The following ADGRL3 variants were observed in gnomAD, a reference collection of about 807,000 sequenced individuals.
ADGRL3 encodes the protein adhesion G protein-coupled receptor L3.
A neutral mutation model predicts 153.5 loss-of-function variants in ADGRL3; 62 were observed. The observed-to-expected ratio is 0.40, with a 90% CI of 0.33 to 0.50. ADGRL3 has a LOEUF of 0.50. Among genes scored for constraint, ADGRL3 ranks in the 20% least tolerant of loss-of-function variants. The probability of loss-of-function intolerance (pLI) is 0.47; values close to 1 mark genes in which losing one functional copy is unlikely to be tolerated. For synonymous variants in ADGRL3, 710 were observed against 672.5 expected (o/e 1.06, Z -0.86); for missense variants, 1,641 against 1,859.4 (o/e 0.88, Z 2.16).
At chr4:61,938,356 CT>C (rs1167333326) in intron 15 of ADGRL3, among the ~76,000 whole-genome samples, 2 of 152,134 alleles carry the variant, frequency 1.3e-5, no homozygotes, top group African/African-American at 4.8e-5. Context: ...ACAGATAAGT[CT>C]TTAGTGAATT....
chr4:62,067,776 C>T (rs1008064800), intron 25 of ADGRL3, among the ~76,000 whole-genome samples: 8 of 151,970 alleles, frequency 5.3e-5, no homozygotes, highest in Non-Finnish European at 1.0e-4. Context: ...CCTTGAAGCA[C>T]GTATACTCTA....
At chr4:61,651,838 G>A (rs1352330381) in intron 5 of ADGRL3, among the ~76,000 whole-genome samples, 1 of 147,752 alleles carries the variant, frequency 6.8e-6, no homozygotes, top group Non-Finnish European at 1.5e-5. Flanking sequence ...GGATGACCTC[G>A]ATCTCCTGAC....
At chr4:61,309,847 GT>G in intron 1 of ADGRL3, among the ~76,000 whole-genome samples, 1 of 151,934 alleles carries the variant, frequency 6.6e-6, no homozygotes, top group Non-Finnish European at 1.5e-5. Context: ...GGGGGGTTTT[GT>G]TCTTTGCTGC....
At chr4:61,468,409 A>AT (rs745786858) in intron 2 of ADGRL3, among the ~76,000 whole-genome samples, 11 of 152,116 alleles carry the variant, frequency 7.2e-5, no homozygotes, top group Non-Finnish European at 1.5e-4. Flanking sequence ...TCTTTTTTCC[A>AT]ACAGATCTGC....
chr4:61,778,407 G>A (rs555552889), intron 8 of ADGRL3, among the ~76,000 whole-genome samples: 1 of 152,254 alleles, frequency 6.6e-6, no homozygotes, highest in Non-Finnish European at 1.5e-5. Context: ...TGTTTGTAAG[G>A]ACAAACGTGG....
intron 1 of ADGRL3, among the ~76,000 whole-genome samples, chr4:61,275,402 A>G (rs957853911): frequency 1.3e-5 from 2 of 152,138 alleles, no homozygotes; most frequent in Non-Finnish European, 2.9e-5. Context: ...GCATCTGCCT[A>G]GTGTTGGTAG....
At chr4:61,701,861 T>C (rs996845950) in intron 6 of ADGRL3, among the ~76,000 whole-genome samples, 6 of 152,124 alleles carry the variant, frequency 3.9e-5, no homozygotes, top group African/African-American at 1.4e-4. Context: ...ATGATGAAGA[T>C]TCTAGAAGAA....
At chr4:61,890,304 G>T (rs879378245) in intron 9 of ADGRL3, among the ~76,000 whole-genome samples, 1 of 152,216 alleles carries the variant, frequency 6.6e-6, no homozygotes, top group Non-Finnish European at 1.5e-5. Context: ...GGAGAAAATA[G>T]TTGGAGTTAG....
At chr4:61,460,496 A>G (rs569961249) in intron 2 of ADGRL3, among the ~76,000 whole-genome samples, 4 of 150,758 alleles carry the variant, frequency 2.7e-5, no homozygotes, top group Admixed American at 2.0e-4. Flanking sequence ...GGTTGATTTC[A>G]TGGAGGTAGA....
At position 61,998,180 on chromosome 4, in the gene ADGRL3, G is replaced by A; in HGVS notation, c.3310G>A (p.Val1104Ile). The change falls in exon 21 of 27, where the codon GTA becomes ATA. Residue 1104 changes from valine (V) to isoleucine (I), a missense_variant. Coordinates refer to ENST00000683033, the MANE Select transcript of ADGRL3 (RefSeq NM_001387552.1). ...GPATLIIMLN[V>I]IFLGIALYKM... ...ACTACCTTTTGCATTCCAGCTTAAT[G>A]TAATCTTCCTTGGGATTGCTTTATA... is the stretch of plus-strand genomic sequence containing the variant. 6.4e-7 allele frequency: 1 copy of A among 1,553,190 alleles called. No individual in the cohort carries two copies. The highest frequency in any genetic ancestry group is 8.7e-7 in the Non-Finnish European group (1 of 1,147,212).
chr4:61,310,670 A>G (rs1254456763), intron 1 of ADGRL3, among the ~76,000 whole-genome samples: 2 of 151,992 alleles, frequency 1.3e-5, no homozygotes, highest in Non-Finnish European at 2.9e-5. Context: ...TGTGAAAATG[A>G]TGAGCACCCT....
intron 5 of ADGRL3, among the ~76,000 whole-genome samples, chr4:61,667,229 T>G (rs1314071887): frequency 1.3e-5 from 2 of 152,174 alleles, no homozygotes; most frequent in African/African-American, 4.8e-5. Flanking sequence ...TTTGCAAGAT[T>G]ACCACATTTT....
At chr4:61,513,724 A>G (rs144947384) in intron 3 of ADGRL3, among the ~76,000 whole-genome samples, 167 of 152,310 alleles carry the variant, frequency 1.1e-3, no homozygotes, top group African/African-American at 3.8e-3. Context: ...AAAACTTTAA[A>G]AACAAATAAA....
intron 6 of ADGRL3, among the ~76,000 whole-genome samples, chr4:61,699,615 A>G (rs538796986): frequency 6.6e-6 from 1 of 152,140 alleles, no homozygotes; most frequent in South Asian, 2.1e-4. Flanking sequence ...AATTGGGGAT[A>G]TAGAAGAGTT....
intron 4 of ADGRL3, among the ~76,000 whole-genome samples, chr4:61,545,922 T>C (rs1175237064): frequency 6.6e-6 from 1 of 152,210 alleles, no homozygotes; most frequent in Non-Finnish European, 1.5e-5. Context: ...AAAAAAACTT[T>C]CTATGTTTTT....
At chr4:61,213,057 T>G (rs1299876356) in intron 1 of ADGRL3, among the ~76,000 whole-genome samples, 1 of 152,156 alleles carries the variant, frequency 6.6e-6, no homozygotes, top group East Asian at 1.9e-4. Flanking sequence ...AACAATGGTA[T>G]GTGTATGTGT....
intron 8 of ADGRL3, among the ~76,000 whole-genome samples, chr4:61,763,183 A>G (rs1407261203): frequency 6.6e-6 from 1 of 150,496 alleles, no homozygotes; most frequent in African/African-American, 2.5e-5. Context: ...AACCGTTAGT[A>G]ACATTTCTTT....
chr4:61,753,810 G>A (rs1338871665), intron 8 of ADGRL3, among the ~76,000 whole-genome samples: 1 of 152,100 alleles, frequency 6.6e-6, no homozygotes, highest in African/African-American at 2.4e-5. Context: ...TTACATTAGT[G>A]CAGCAAGAAT....
chr4:61,886,838 G>C (rs2098542362), intron 9 of ADGRL3, among the ~76,000 whole-genome samples: 1 of 151,562 alleles, frequency 6.6e-6, no homozygotes, highest in East Asian at 1.9e-4. Context: ...AGTAGAGACA[G>C]GTTTAGCCAT....
Sources: gnomAD v4.1 joint callset for allele counts (sites outside exome capture counted in the v4.1 genomes callset) on GRCh38, gnomAD v4.1.1 for gene constraint, MANE v1.5 for transcripts, NCBI Gene and HGNC (gene_info 2026-07-23, HGNC 2026-07-21) for gene names.